Variants in ASAP1 observed in about 807,000 individuals in gnomAD.
The protein encoded by ASAP1 is arf-GAP with SH3 domain, ANK repeat and PH domain-containing protein 1.
Under a neutral mutation model 145.2 loss-of-function variants are expected in ASAP1, and 43 were observed. That is an observed-to-expected ratio of 0.30 (90% CI 0.23 to 0.38). ASAP1 has a LOEUF of 0.38. Among genes scored for constraint, ASAP1 ranks in the 10% least tolerant of loss-of-function variants. The pLI, the probability that ASAP1 is intolerant of heterozygous loss-of-function variation, is 1.00. For missense variants in ASAP1, 1,018 were observed against 1,355.3 expected (o/e 0.75, Z 3.91); for synonymous variants, 546 against 515.5 (o/e 1.06, Z -0.80).
intron 1 of ASAP1, among the ~76,000 whole-genome samples, chr8:130,424,467 C>T (rs377060284): frequency 6.6e-6 from 1 of 152,204 alleles, no homozygotes; most frequent in African/African-American, 2.4e-5. Context: ...TCTGACTTTG[C>T]TCTTCCCTTC....
chr8:130,081,642 C>T lies in ASAP1; in HGVS notation c.2573-1671G>A, dbSNP rs138890127. 1.2e-3 allele frequency among the ~76,000 whole-genome samples: 180 copies of T among 152,274 alleles called. 1 individual carries two copies. In the East Asian group the frequency reaches 0.03, roughly 26 times the overall value. ...CTGCACATCTGCTCAATAGCACCAC[C>T]GATTGCCCACATGCTTTTATATTCA... is the stretch of plus-strand genomic sequence containing the variant. On this transcript the variant is annotated intron_variant, in intron 25 of 29. Coordinates refer to ENST00000518721, the MANE Select transcript of ASAP1 (RefSeq NM_018482.4).
chr8:130,207,959 A>G (rs1390345101), intron 5 of ASAP1, among the ~76,000 whole-genome samples: 1 of 152,216 alleles, frequency 6.6e-6, no homozygotes, highest in African/African-American at 2.4e-5. Flanking sequence ...AGTATCAGGA[A>G]GTGAGTTTGA....
At chr8:130,217,610 A>G (rs2136461125) in intron 4 of ASAP1, among the ~76,000 whole-genome samples, 1 of 151,886 alleles carries the variant, frequency 6.6e-6, no homozygotes, top group Non-Finnish European at 1.5e-5. Context: ...CCTATGGTTC[A>G]CTTCTGCATC....
At chr8:130,218,930 CAT>C (rs1202534689) in intron 4 of ASAP1, among the ~76,000 whole-genome samples, 1 of 151,704 alleles carries the variant, frequency 6.6e-6, no homozygotes, top group Non-Finnish European at 1.5e-5. Context: ...ACATGTCTCA[CAT>C]ATATATGTGT....
intron 3 of ASAP1, among the ~76,000 whole-genome samples, chr8:130,294,920 A>G (rs1475399870): frequency 6.6e-6 from 1 of 152,180 alleles, no homozygotes; most frequent in Non-Finnish European, 1.5e-5. Context: ...AACAAAGCCA[A>G]TTTACAGGAA....
chr8:130,184,728 G>A (rs1457676801), intron 7 of ASAP1, among the ~76,000 whole-genome samples: 3 of 152,142 alleles, frequency 2.0e-5, no homozygotes, highest in East Asian at 1.9e-4. Flanking sequence ...TTTAGTTTAC[G>A]TACATTTATC....
At chr8:130,146,092 C>T (rs955161523) in intron 13 of ASAP1, among the ~76,000 whole-genome samples, 1 of 150,888 alleles carries the variant, frequency 6.6e-6, no homozygotes, top group Admixed American at 6.6e-5. Context: ...ACTTAAGCCT[C>T]AAACTCCCAA....
At chr8:130,390,599 T>C (rs1313630559) in intron 2 of ASAP1, among the ~76,000 whole-genome samples, 2 of 152,246 alleles carry the variant, frequency 1.3e-5, no homozygotes, top group Non-Finnish European at 2.9e-5. Context: ...ATGTATTATT[T>C]AGGTCTGTAT....
chr8:130,094,668 G>C (rs567498720), intron 24 of ASAP1, among the ~76,000 whole-genome samples: 1 of 152,310 alleles, frequency 6.6e-6, no homozygotes, highest in African/African-American at 2.4e-5. Context: ...GCAGAGCTGG[G>C]ATAAGGCAGG....
At chr8:130,190,038 G>C (rs1815031516) in intron 5 of ASAP1, among the ~76,000 whole-genome samples, 1 of 152,056 alleles carries the variant, frequency 6.6e-6, no homozygotes, top group African/African-American at 2.4e-5. Context: ...ATATATTCTG[G>C]TTATTAGTCC....
chr8:130,288,987 C>A (rs1403319001), intron 3 of ASAP1, among the ~76,000 whole-genome samples: 1 of 152,128 alleles, frequency 6.6e-6, no homozygotes, highest in East Asian at 1.9e-4. Context: ...GAGACCGAGA[C>A]CACCCTGGCT....
At chr8:130,075,754 A>C (rs1054151285) in intron 27 of ASAP1, among the ~76,000 whole-genome samples, 1 of 152,248 alleles carries the variant, frequency 6.6e-6, no homozygotes. Flanking sequence ...AGACTCAGTC[A>C]AAGAGCTGAG....
chr8:130,280,884 C>T (rs1821205222), intron 3 of ASAP1, among the ~76,000 whole-genome samples: 1 of 152,084 alleles, frequency 6.6e-6, no homozygotes, highest in Admixed American at 6.5e-5. Context: ...TTTCATTTAA[C>T]CATAACCAAG....
At chr8:130,186,185 A>C (rs1006365828) in intron 7 of ASAP1, among the ~76,000 whole-genome samples, 1 of 152,174 alleles carries the variant, frequency 6.6e-6, no homozygotes, top group African/African-American at 2.4e-5. Context: ...CTCATAGCCC[A>C]CAGCATTCAT....
chr8:130,411,830 G>A (rs958333622), intron 1 of ASAP1, among the ~76,000 whole-genome samples: 4 of 152,180 alleles, frequency 2.6e-5, no homozygotes, highest in African/African-American at 7.2e-5. Context: ...AATCCTGTTG[G>A]TGTCCACTGA....
intron 3 of ASAP1, among the ~76,000 whole-genome samples, chr8:130,355,937 G>T (rs1415124220): frequency 6.6e-6 from 1 of 152,084 alleles, no homozygotes; most frequent in African/African-American, 2.4e-5. Context: ...CTGAAACATT[G>T]CTATATTTTT....
chr8:130,152,620 T>C (rs2097648959), intron 13 of ASAP1, 116 bp downstream of exon 13: 1 of 564,320 alleles, frequency 1.8e-6, no homozygotes, highest in Non-Finnish European at 3.0e-6. Context: ...TAAAGGAATA[T>C]CTAAAATGAT....
intron 24 of ASAP1, among the ~76,000 whole-genome samples, chr8:130,092,540 T>A (rs757366401): frequency 6.6e-6 from 1 of 152,062 alleles, no homozygotes; most frequent in African/African-American, 2.4e-5. Flanking sequence ...GGTAGGAGGA[T>A]CACTTGAAGT....
At chr8:130,437,380 C>T (rs767432150) in intron 1 of ASAP1, among the ~76,000 whole-genome samples, 9 of 152,320 alleles carry the variant, frequency 5.9e-5, no homozygotes, top group Non-Finnish European at 7.3e-5. Context: ...CTACCATCTA[C>T]GAGACCCTTG....
Sources: gnomAD v4.1 joint callset for allele counts (sites outside exome capture counted in the v4.1 genomes callset) on GRCh38, gnomAD v4.1.1 for gene constraint, MANE v1.5 for transcripts, NCBI Gene and HGNC (gene_info 2026-07-23, HGNC 2026-07-21) for gene names.